DENND5B: variants seen among roughly 807,000 people sequenced by gnomAD.
DENND5B encodes the protein DENN domain containing 5B.
DENND5B carries 34 observed loss-of-function variants against 140.6 expected under a neutral mutation model. The ratio of observed to expected loss-of-function variants is 0.24; its 90% CI spans 0.18 to 0.32. The LOEUF (loss-of-function observed/expected upper bound fraction) is 0.32, where lower values mean the gene tolerates loss of function less well. Ranked by LOEUF, DENND5B falls within the 10% of genes least tolerant of loss-of-function variation. The pLI is 1.00. For missense variants in DENND5B, 1,142 were observed against 1,560.2 expected, an observed-to-expected ratio of 0.73 and a Z score of 4.52; for synonymous variants, 551 against 562.1, an observed-to-expected ratio of 0.98 and a Z score of 0.28.
intron 1 of DENND5B, among the ~76,000 whole-genome samples, chr12:31,535,937 C>A (rs1239245583): frequency 6.6e-6 from 1 of 151,836 alleles, no homozygotes; most frequent in Non-Finnish European, 1.5e-5. Flanking sequence ...GCGACTGGAT[C>A]ATGAGGGTGG....
intron 1 of DENND5B, among the ~76,000 whole-genome samples, chr12:31,529,162 C>CAA (rs57966147): frequency 0.046 from 5,202 of 113,038 alleles, 152 homozygotes; most frequent in Middle Eastern, 0.12. Flanking sequence ...AACTCTGTCT[C>CAA]AAAAAAAAAA....
chr12:31,565,554 T>C (rs1381630308), intron 1 of DENND5B, among the ~76,000 whole-genome samples: 1 of 152,218 alleles, frequency 6.6e-6, no homozygotes, highest in Non-Finnish European at 1.5e-5. Flanking sequence ...AGTCTTGTTT[T>C]CATTTAGAAT....
chr12:31,506,245 A>G (rs1947196041), intron 1 of DENND5B: 1 of 152,164 alleles, frequency 6.6e-6, no homozygotes, highest in Non-Finnish European at 1.5e-5. Flanking sequence ...GAGCCATGTT[A>G]TATTTACCTA....
At chr12:31,450,994 T>C (rs953410239) in intron 5 of DENND5B, among the ~76,000 whole-genome samples, 1 of 152,202 alleles carries the variant, frequency 6.6e-6, no homozygotes, top group African/African-American at 2.4e-5. Flanking sequence ...TTCTGACTTC[T>C]CTTTCCAAAA....
intron 7 of DENND5B, among the ~76,000 whole-genome samples, chr12:31,442,490 A>G (rs77139065): frequency 0.011 from 1,716 of 152,254 alleles, 19 homozygotes; most frequent in East Asian, 0.031. Context: ...TAGTATTATC[A>G]TTATATTTAA....
chr12:31,577,085 A>G lies in DENND5B; in HGVS notation c.127+13621T>C, dbSNP rs572547736. 7.9e-5 allele frequency among the ~76,000 whole-genome samples: 12 copies of G among 152,296 alleles called. No individual in the cohort carries two copies. The South Asian group carries it at 2.3e-3, about 29-fold the overall frequency. The stretch of plus-strand genomic sequence containing the variant: ...GTGATCTTTGAAGAAGGGATTAGAG[A>G]AAAAAAGTACAAAAGCCTGGTCTAT... On this transcript the variant is annotated intron_variant, in intron 1 of 20. Transcript: ENST00000389082.
intron 1 of DENND5B, among the ~76,000 whole-genome samples, chr12:31,542,467 A>C (rs981621411): frequency 6.6e-6 from 1 of 152,238 alleles, no homozygotes; most frequent in African/African-American, 2.4e-5. Context: ...GACTATAGGA[A>C]AAAAATAATG....
chr12:31,421,969 C>A (rs181000148), intron 11 of DENND5B, among the ~76,000 whole-genome samples: 3 of 152,116 alleles, frequency 2.0e-5, no homozygotes, highest in Non-Finnish European at 4.4e-5. Flanking sequence ...AGAACCTTGG[C>A]ATTCTGATTA....
chr12:31,542,693 T>C (rs897227871), intron 1 of DENND5B, among the ~76,000 whole-genome samples: 10 of 151,972 alleles, frequency 6.6e-5, no homozygotes, highest in African/African-American at 1.5e-4. Flanking sequence ...CGGTGGCTCA[T>C]GCCTGTAATC....
intron 1 of DENND5B, among the ~76,000 whole-genome samples, chr12:31,547,897 G>A (rs1365481693): frequency 6.6e-6 from 1 of 151,862 alleles, no homozygotes; most frequent in Non-Finnish European, 1.5e-5. Context: ...GTAGAGGCAG[G>A]GTTTCACCAT....
chr12:31,545,496 C>A (rs1948825637), intron 1 of DENND5B, among the ~76,000 whole-genome samples: 1 of 152,020 alleles, frequency 6.6e-6, no homozygotes, highest in Admixed American at 6.6e-5. Context: ...TATTTGACAG[C>A]ATGGTTTTAA....
At chr12:31,533,144 T>C (rs957688962) in intron 1 of DENND5B, among the ~76,000 whole-genome samples, 2 of 152,216 alleles carry the variant, frequency 1.3e-5, no homozygotes, top group African/African-American at 4.8e-5. Flanking sequence ...CTATTAAATA[T>C]TGTTAAAATA....
chr12:31,403,461 C>A (rs1941926852), intron 14 of DENND5B, among the ~76,000 whole-genome samples: 2 of 151,076 alleles, frequency 1.3e-5, no homozygotes, highest in African/African-American at 4.9e-5. Flanking sequence ...GGTGTGGTGG[C>A]AGGCGCCTGA....
chr12:31,573,904 A>C (rs1949908678), intron 1 of DENND5B, among the ~76,000 whole-genome samples: 1 of 151,332 alleles, frequency 6.6e-6, no homozygotes, highest in African/African-American at 2.4e-5. Flanking sequence ...GTAGTGAGCT[A>C]TGATGGCCTG....
chr12:31,580,742 G>A (rs549629266), intron 1 of DENND5B, among the ~76,000 whole-genome samples: 5 of 151,980 alleles, frequency 3.3e-5, no homozygotes, highest in East Asian at 1.9e-4. Flanking sequence ...TGATCCACCC[G>A]TCTCGGCCAC....
Position 31,392,399 on chromosome 12 carries a change from G to C in DENND5B, c.3340-6C>G. On this transcript the variant is annotated splice_polypyrimidine_tract_variant and splice_region_variant and intron_variant, in intron 18 of 20. Coordinates refer to ENST00000389082, the MANE Select transcript of DENND5B (RefSeq NM_144973.4). ...AACACGGTGAGGCTTCCTCTCTGTGGGGCATAACACACAGTGCCAAAGAAA... is the reference window on the plus strand; with the variant it reads ...AACACGGTGAGGCTTCCTCTCTGTGCGGCATAACACACAGTGCCAAAGAAA... The C allele has an allele frequency of 6.2e-7, 1 of 1,613,360 alleles. No individual in the cohort carries two copies.
chr12:31,418,269 CTTTT>C (rs1349965318), intron 11 of DENND5B, among the ~76,000 whole-genome samples: 1 of 122,744 alleles, frequency 8.1e-6, no homozygotes, highest in African/African-American at 3.0e-5. Flanking sequence ...GAAAGCATAT[CTTTT>C]TTTCTTTTCT....
At chr12:31,469,782 T>G (rs746818810) in intron 3 of DENND5B, among the ~76,000 whole-genome samples, 1 of 152,102 alleles carries the variant, frequency 6.6e-6, no homozygotes, top group Non-Finnish European at 1.5e-5. Context: ...TTACTTTCCA[T>G]GAAAATTGGT....
chr12:31,459,443 C>T (rs1944920779), intron 4 of DENND5B, among the ~76,000 whole-genome samples: 1 of 152,190 alleles, frequency 6.6e-6, no homozygotes, highest in East Asian at 1.9e-4. Context: ...GTGTGTGCCA[C>T]CATGCCTGGC....
Sources: allele counts gnomAD v4.1 joint callset (sites outside exome capture counted in the v4.1 genomes callset), GRCh38; gene constraint gnomAD v4.1.1; transcripts MANE v1.5; gene names NCBI Gene and HGNC (gene_info 2026-07-23, HGNC 2026-07-21).